Variants in DNER observed in about 807,000 individuals in gnomAD.
The protein encoded by DNER is delta/notch like EGF repeat containing, also known as delta and Notch-like epidermal growth factor-related receptor.
In DNER, 33 loss-of-function variants were observed where a neutral mutation model predicts 78.2. That is an observed-to-expected ratio of 0.42 (90% CI 0.32 to 0.56). DNER has a LOEUF of 0.56. Among genes scored for constraint, DNER ranks in the 20% least tolerant of loss-of-function variants. DNER has a pLI of 0.11. For synonymous variants in DNER, 417 were observed against 384.8 expected, an observed-to-expected ratio of 1.08 and a Z score of -0.98; for missense variants, 918 against 975.3, an observed-to-expected ratio of 0.94 and a Z score of 0.78.
At chr2:229,700,515 T>C (rs562613641) in intron 1 of DNER, among the ~76,000 whole-genome samples, 1 of 152,136 alleles carries the variant, frequency 6.6e-6, no homozygotes, top group South Asian at 2.1e-4. Context: ...TTTTGTGACA[T>C]TATTTAAAAA....
chr2:229,534,546 T>A (rs1696369442), intron 5 of DNER, among the ~76,000 whole-genome samples: 3 of 152,260 alleles, frequency 2.0e-5, no homozygotes, highest in Admixed American at 6.5e-5. Context: ...TCTGAAAGGC[T>A]ATTAAAACAT....
chr2:229,591,859 A>G lies in DNER; in HGVS notation c.306T>C (p.Pro102=). 2.5e-6 allele frequency: 4 copies of G among 1,604,206 alleles called. No homozygotes were observed. The highest frequency in any genetic ancestry group is 3.4e-6 in the Non-Finnish European group (4 of 1,175,172). Residue 102 remains proline (P), a synonymous_variant, in exon 2 of 13, where the codon CCT becomes CCC. Coordinates refer to ENST00000341772, the MANE Select transcript of DNER (RefSeq NM_139072.4). The surrounding 1 kb of genome is among the most constrained non-coding windows in gnomAD (Gnocchi z 4.6). Reference sequence around the variant, plus strand: ...TGCTGCTGCAGTTGCCATGGTGACAAGGGTTGCTGGCACAAGGATCTGCAA... The same window carrying G: ...TGCTGCTGCAGTTGCCATGGTGACAGGGGTTGCTGGCACAAGGATCTGCAA... ...QLVADPCASN[P]CHHGNCSSSS...
At chr2:229,696,694 G>T (rs2154217534) in intron 1 of DNER, among the ~76,000 whole-genome samples, 1 of 152,314 alleles carries the variant, frequency 6.6e-6, no homozygotes, top group South Asian at 2.1e-4. Flanking sequence ...GGCTTTCTTG[G>T]GAGGGAGGTA....
intron 6 of DNER, among the ~76,000 whole-genome samples, chr2:229,483,227 G>A (rs556809432): frequency 5.9e-5 from 9 of 152,294 alleles, no homozygotes; most frequent in South Asian, 2.1e-4. Flanking sequence ...TCCTCTGAGC[G>A]CCAACTGCAA....
At chr2:229,418,831 G>T (rs1023414300) in intron 8 of DNER, among the ~76,000 whole-genome samples, 1 of 151,978 alleles carries the variant, frequency 6.6e-6, no homozygotes, top group Non-Finnish European at 1.5e-5. Flanking sequence ...TGAGGCAGGA[G>T]AATCACTTGA....
chr2:229,439,266 C>A (rs1694187609), intron 8 of DNER, among the ~76,000 whole-genome samples: 1 of 152,168 alleles, frequency 6.6e-6, no homozygotes, highest in Non-Finnish European at 1.5e-5. Context: ...TAACCTTGAA[C>A]CTCATATAAA....
At position 229,560,981 on chromosome 2, in the gene DNER, C is replaced by T. The variant is rs1351275894; in HGVS notation, c.848-13889G>A. On this transcript the variant is annotated intron_variant, in intron 4 of 12. Coordinates refer to ENST00000341772, the MANE Select transcript of DNER (RefSeq NM_139072.4). ...CACTTGCCTGGTCACACCAACTATCCCAGGATTTCATGTAGAGTATTCTCA... is the reference window on the plus strand; with the variant it reads ...CACTTGCCTGGTCACACCAACTATCTCAGGATTTCATGTAGAGTATTCTCA... 7.2e-5 allele frequency among the ~76,000 whole-genome samples: 11 copies of T among 152,206 alleles called. No individual in the cohort carries two copies. The East Asian group carries it at 2.1e-3, about 29-fold the overall frequency.
chr2:229,629,946 C>T (rs1465470064), intron 1 of DNER, among the ~76,000 whole-genome samples: 1 of 152,200 alleles, frequency 6.6e-6, no homozygotes, highest in Non-Finnish European at 1.5e-5. Flanking sequence ...TTATGACTGG[C>T]AGAAAATATG....
At chr2:229,473,991 C>T (rs182619099) in intron 7 of DNER, among the ~76,000 whole-genome samples, 52 of 152,188 alleles carry the variant, frequency 3.4e-4, no homozygotes, top group Non-Finnish European at 5.3e-4. Flanking sequence ...CTGCAACTTC[C>T]GCCTCCTGGG....
chr2:229,604,608 T>C (rs1489037859), intron 1 of DNER, among the ~76,000 whole-genome samples: 1 of 152,218 alleles, frequency 6.6e-6, no homozygotes, highest in Non-Finnish European at 1.5e-5. Flanking sequence ...CTTGTGTACC[T>C]GCCTGGCTTC....
chr2:229,544,095 C>T (rs559086391), intron 5 of DNER, among the ~76,000 whole-genome samples: 5 of 152,290 alleles, frequency 3.3e-5, no homozygotes, highest in African/African-American at 1.2e-4. Context: ...AATATGTTCT[C>T]CTTAGCCTCC....
chr2:229,634,721 C>A (rs564528417), intron 1 of DNER, among the ~76,000 whole-genome samples: 16 of 152,256 alleles, frequency 1.1e-4, no homozygotes, highest in Non-Finnish European at 1.9e-4. Flanking sequence ...GCTCTGGTGG[C>A]TTTACAAGGC....
At chr2:229,507,598 A>G (rs13033846) in intron 6 of DNER, among the ~76,000 whole-genome samples, 37,816 of 152,156 alleles carry the variant, frequency 0.25, 5,443 homozygotes, top group Non-Finnish European at 0.32. Context: ...TAGTTATTCC[A>G]AATTCTGTCT....
At chr2:229,553,089 C>T (rs1348129140) in intron 4 of DNER, among the ~76,000 whole-genome samples, 1 of 152,186 alleles carries the variant, frequency 6.6e-6, no homozygotes, top group Non-Finnish European at 1.5e-5. Flanking sequence ...ATCTACCATG[C>T]TAAATGGGGG....
At chr2:229,515,582 C>T (rs1427686414) in intron 5 of DNER, among the ~76,000 whole-genome samples, 1 of 151,462 alleles carries the variant, frequency 6.6e-6, no homozygotes, top group African/African-American at 2.4e-5. Flanking sequence ...GGAAAATATG[C>T]TGCTTATGGA....
At chr2:229,622,042 C>T (rs1422378634) in intron 1 of DNER, among the ~76,000 whole-genome samples, 18 of 152,144 alleles carry the variant, frequency 1.2e-4, no homozygotes, top group Non-Finnish European at 2.1e-4. Flanking sequence ...GCCGAGATCG[C>T]GCCGCTGCCC....
chr2:229,670,749 T>C lies in DNER; in HGVS notation c.276+43399A>G, dbSNP rs547840992. On this transcript the variant is annotated intron_variant, in intron 1 of 12. Transcript: ENST00000341772. ...GATGGAAATGTTGTATCCCACTCCG[T>C]CCATAGAGTAGCCACCAGCCAATGC... 1.4e-3 allele frequency among the ~76,000 whole-genome samples: 219 copies of C among 152,354 alleles called. 1 individual carries two copies. The highest frequency in any genetic ancestry group is 5.1e-3 in the African/African-American group (213 of 41,582).
At chr2:229,557,742 A>G (rs1022873521) in intron 4 of DNER, among the ~76,000 whole-genome samples, 1 of 152,170 alleles carries the variant, frequency 6.6e-6, no homozygotes, top group Non-Finnish European at 1.5e-5. Context: ...AAAAGAAAAA[A>G]AAAAAGGAAA....
chr2:229,574,449 TA>T (rs1220157311), intron 4 of DNER, among the ~76,000 whole-genome samples: 1 of 151,344 alleles, frequency 6.6e-6, no homozygotes, highest in Non-Finnish European at 1.5e-5. Flanking sequence ...TTTATTAACA[TA>T]AAAGATTGTC....
Sources: allele counts gnomAD v4.1 joint callset (sites outside exome capture counted in the v4.1 genomes callset), GRCh38; gene constraint gnomAD v4.1.1; non-coding constraint Gnocchi (gnomAD v3.1); transcripts MANE v1.5; gene names NCBI Gene and HGNC (gene_info 2026-07-23, HGNC 2026-07-21).